Variants in PPIL6 observed in about 807,000 individuals in gnomAD.
The protein encoded by PPIL6 is probable inactive peptidyl-prolyl cis-trans isomerase-like 6.
PPIL6 carries 39 observed loss-of-function variants against 36.8 expected under a neutral mutation model. The observed-to-expected ratio is 1.06, with a 90% CI of 0.82 to 1.38. The LOEUF (loss-of-function observed/expected upper bound fraction) is 1.38, where lower values mean the gene tolerates loss of function less well. Among genes scored for constraint, PPIL6 ranks in the 40% most tolerant of loss-of-function variants. The pLI, the probability that PPIL6 is intolerant of heterozygous loss-of-function variation, is 0.00. For missense variants in PPIL6, 368 were observed against 379.1 expected (o/e 0.97, Z 0.24); for synonymous variants, 123 against 134.1 (o/e 0.92, Z 0.57).
chr6:109,438,945 C>T (rs185338903), intron 1 of PPIL6, among the ~76,000 whole-genome samples: 327 of 151,968 alleles, frequency 2.2e-3, no homozygotes, highest in Non-Finnish European at 3.3e-3. Flanking sequence ...AAATTATACG[C>T]AAGTCAAATT....
chr6:109,435,819 C>A (rs189521396), intron 2 of PPIL6, among the ~76,000 whole-genome samples: 33 of 152,000 alleles, frequency 2.2e-4, no homozygotes, highest in Non-Finnish European at 3.7e-4. Context: ...CAGCTACTTG[C>A]GGGGCTGAGG....
chr6:109,433,054 A>G (rs1774239165), intron 2 of PPIL6, among the ~76,000 whole-genome samples: 1 of 149,712 alleles, frequency 6.7e-6, no homozygotes, highest in South Asian at 2.1e-4. Flanking sequence ...AGGACCCAAA[A>G]CTTTCTTTTT....
chr6:109,439,795 C>T (rs994831452), intron 1 of PPIL6, among the ~76,000 whole-genome samples: 1 of 152,202 alleles, frequency 6.6e-6, no homozygotes. Flanking sequence ...GGGCTGAATT[C>T]TACATGCCGA....
In PPIL6 at chr6:109,413,616, T is replaced by C. The variant is rs188758774; in HGVS notation, c.688+5571A>G. On this transcript the variant is annotated intron_variant, in intron 6 of 7. Transcript: ENST00000521072. This position sits in a 1 kb window ranked among gnomAD's most constrained non-coding sequence, Gnocchi z 4.6. ...TCCAGGAATCTCACTGCTGGGTATATACCCAAAAGAAAGGAAATCATTATA... is the reference window on the plus strand; with the variant it reads ...TCCAGGAATCTCACTGCTGGGTATACACCCAAAAGAAAGGAAATCATTATA... Among the ~76,000 whole-genome samples the C allele has an allele frequency of 1.7e-3, 261 of 152,296 alleles. No individual in the cohort carries two copies. The highest frequency in any genetic ancestry group is 2.5e-3 in the Non-Finnish European group (169 of 68,024).
At position 109,392,747 on chromosome 6, in the gene PPIL6, A is replaced by G. The variant is rs907926260; in HGVS notation, c.*79T>C. 30 of 888,294 alleles carry G rather than the reference A, an allele frequency of 3.4e-5. No homozygotes were observed. The highest frequency in any genetic ancestry group is 6.6e-4 in the Middle Eastern group (2 of 3,008). The allele number at this position is 888,294 out of a possible 1,614,324, so 55.0% of individuals were successfully genotyped here. Reference sequence around the variant, plus strand: ...CACGGCTTTCAAATTACAATTTATCAAGTACTTTTTAATTAAATCCACAAA... The same window carrying G: ...CACGGCTTTCAAATTACAATTTATCGAGTACTTTTTAATTAAATCCACAAA... On this transcript the variant is annotated 3_prime_UTR_variant, in exon 8 of 8. Transcript: ENST00000521072.
chr6:109,394,335 T>G (rs1314313309), intron 7 of PPIL6, among the ~76,000 whole-genome samples: 1 of 136,136 alleles, frequency 7.3e-6, no homozygotes, highest in Non-Finnish European at 1.5e-5. Context: ...TTTGCACCAC[T>G]GCACTCAGCC....
intron 2 of PPIL6, among the ~76,000 whole-genome samples, chr6:109,432,720 A>G (rs887142199): frequency 1.3e-5 from 2 of 152,056 alleles, no homozygotes; most frequent in Non-Finnish European, 2.9e-5. Context: ...TCAGCCTCCC[A>G]AAGTGTTGGG....
upstream of PPIL6, chr6:109,440,857 G>T (rs1054107986): frequency 1.9e-6 from 1 of 522,794 alleles, no homozygotes; most frequent in Non-Finnish European, 3.3e-6. Flanking sequence ...CTAGCGCGCG[G>T]CCCTTACCGA....
At chr6:109,424,089 A>C (rs951398051) in intron 5 of PPIL6, among the ~76,000 whole-genome samples, 2 of 152,310 alleles carry the variant, frequency 1.3e-5, no homozygotes, top group Admixed American at 6.5e-5. Context: ...AAAACAAGGT[A>C]AGGAGTAGGA....
chr6:109,404,457 A>G (rs1772700236), intron 6 of PPIL6, among the ~76,000 whole-genome samples: 1 of 152,172 alleles, frequency 6.6e-6, no homozygotes, highest in African/African-American at 2.4e-5. Context: ...CCAGGCAGCT[A>G]TTCTTTCTTT....
intron 3 of PPIL6, among the ~76,000 whole-genome samples, chr6:109,430,655 G>A (rs560433667): frequency 2.0e-5 from 3 of 152,184 alleles, no homozygotes. Flanking sequence ...TCGATCTCTT[G>A]ACCTTGTGAT....
chr6:109,426,870 T>C lies in PPIL6; in HGVS notation c.608A>G (p.Gln203Arg), dbSNP rs746805853. 3.2e-6 allele frequency: 5 copies of C among 1,583,042 alleles called. No individual in the cohort carries two copies. In the East Asian group the frequency reaches 6.8e-5, roughly 21 times the overall value. ...YKNSIFHRIV[Q>R]NGWIQGGDIV... ...ACCCCCTCCTTGTATCCAGCCATTC[T>C]GTACTATTCGATGAAAAATGGAATT... The change falls in exon 5 of 8, where the codon CAG (glutamine) becomes CGG (arginine). Residue 203 changes from glutamine (Q) to arginine (R), a missense_variant. By Grantham distance (43) the Gln-to-Arg change is conservative (BLOSUM62 1). Coordinates refer to ENST00000521072, the MANE Select transcript of PPIL6 (RefSeq NM_173672.5).
chr6:109,427,190 T>C lies in PPIL6; in HGVS notation c.421-34A>G, dbSNP rs1478965209. On this transcript the variant is annotated intron_variant, in intron 3 of 7. Transcript: ENST00000521072. The stretch of plus-strand genomic sequence containing the variant: ...ATTAAGGAGAATCATATAATGCAGG[T>C]CAAAGTCTTACAAGAAAGTTTTCAG... 27 of 1,515,202 alleles carry C rather than the reference T, an allele frequency of 1.8e-5. 1 individual carries two copies. Among genetic ancestry groups the C allele is most frequent in the East Asian group, 2.3e-5 (1 of 44,008 alleles). 93.9% of individuals were successfully genotyped at this position (1,515,202 alleles called of 1,614,324 possible).
At chr6:109,392,971 G>A (rs749372095) in intron 7 of PPIL6, 34 bp from the exon 8 acceptor site, 1 of 1,288,078 alleles carries the variant, frequency 7.8e-7, no homozygotes, top group Admixed American at 1.9e-5. Flanking sequence ...AATTTAGTCA[G>A]TCATAAGTTT....
chr6:109,436,234 A>G, intron 1 of PPIL6, 35 bp from the exon 2 acceptor site: 2 of 1,251,920 alleles, frequency 1.6e-6, no homozygotes, highest in African/African-American at 3.0e-5. Context: ...TTTTAGAGTT[A>G]GTTCTCTTTT....
intron 6 of PPIL6, among the ~76,000 whole-genome samples, chr6:109,407,656 A>C (rs967915146): frequency 6.6e-6 from 1 of 152,196 alleles, no homozygotes; most frequent in African/African-American, 2.4e-5. Flanking sequence ...ATAATTACTC[A>C]ATGACTTTAT....
At position 109,431,210 on chromosome 6, in the gene PPIL6, GTGCAGAGGGTTTAA is replaced by G; in HGVS notation, c.353_366del (p.Ile118ThrfsTer3). ...AAATCCTCAGTGAGTGCGTCATAAAGTGCAGAGGGTTTAATGTCAACTATATCCCACACCTCGTG... is the reference window on the plus strand; with the variant it reads ...AAATCCTCAGTGAGTGCGTCATAAAGTGTCAACTATATCCCACACCTCGTG... On this transcript the variant is annotated frameshift_variant, in exon 3 of 8. Coordinates refer to ENST00000521072, the MANE Select transcript of PPIL6 (RefSeq NM_173672.5). LOFTEE classifies it high-confidence loss of function. 6.2e-7 allele frequency: 1 copy of G among 1,613,814 alleles called. No individual in the cohort carries two copies. Among genetic ancestry groups the G allele is most frequent in the Non-Finnish European group, 8.5e-7 (1 of 1,179,904 alleles).
intron 1 of PPIL6, chr6:109,440,178 T>C: frequency 1.9e-6 from 1 of 526,004 alleles, no homozygotes; most frequent in Non-Finnish European, 3.6e-6. Flanking sequence ...CGGAGGGGAT[T>C]ACCTTATCTC....
Position 109,400,190 on chromosome 6 carries a change from G to A in PPIL6, c.689-20C>T, listed in dbSNP as rs375455012. On this transcript the variant is annotated intron_variant, in intron 6 of 7. Coordinates refer to ENST00000521072, the MANE Select transcript of PPIL6 (RefSeq NM_173672.5). ...TTTCATCTAGGAAAGACAATAATCA[G>A]TAGGTCATTAGCACATTTCTATTAT... is the stretch of plus-strand genomic sequence containing the variant. The A allele has an allele frequency of 8.1e-6, 13 of 1,597,334 alleles. No homozygotes were observed. In the Admixed American group the frequency reaches 8.4e-5, roughly 10 times the overall value.
Sources: allele counts gnomAD v4.1 joint callset (sites outside exome capture counted in the v4.1 genomes callset), GRCh38; gene constraint gnomAD v4.1.1; non-coding constraint Gnocchi (gnomAD v3.1); transcripts MANE v1.5; gene names NCBI Gene and HGNC (gene_info 2026-07-23, HGNC 2026-07-21).